Variants in GFOD2 observed in about 807,000 individuals in gnomAD.
The protein encoded by GFOD2 is glucose-fructose oxidoreductase domain-containing protein 2.
Under a neutral mutation model 24.6 loss-of-function variants are expected in GFOD2, and 9 were observed. The observed-to-expected ratio is 0.37, with a 90% confidence interval of 0.22 to 0.64. GFOD2 has a LOEUF of 0.64. GFOD2 is among the 30% of genes least tolerant of loss of function. The pLI, the probability that GFOD2 is intolerant of heterozygous loss-of-function variation, is 0.65. For missense variants in GFOD2, 476 were observed against 532.5 expected, an observed-to-expected ratio of 0.89 and a Z score of 1.04; for synonymous variants, 211 against 224.8, an observed-to-expected ratio of 0.94 and a Z score of 0.55.
At chr16:67,693,255 T>C (rs1396204080) in intron 1 of GFOD2, among the ~76,000 whole-genome samples, 1 of 151,368 alleles carries the variant, frequency 6.6e-6, no homozygotes, top group Non-Finnish European at 1.5e-5. Flanking sequence ...GAACCTTATT[T>C]CAAATTAGCC....
intron 1 of GFOD2, among the ~76,000 whole-genome samples, chr16:67,704,187 A>G (rs2053423150): frequency 6.6e-6 from 1 of 152,204 alleles, no homozygotes; most frequent in Non-Finnish European, 1.5e-5. Flanking sequence ...CCCCGAGTTC[A>G]GTACTTTAAA....
chr16:67,701,722 C>G (rs1274050349), intron 1 of GFOD2, among the ~76,000 whole-genome samples: 1 of 147,380 alleles, frequency 6.8e-6, no homozygotes, highest in African/African-American at 2.5e-5. Context: ...ACAGAATATA[C>G]AGAAAAAGGA....
intron 1 of GFOD2, among the ~76,000 whole-genome samples, chr16:67,688,503 G>C (rs2053284881): frequency 6.6e-6 from 1 of 152,070 alleles, no homozygotes; most frequent in Non-Finnish European, 1.5e-5. Context: ...TGGGATCAAT[G>C]TCGTGGGAAA....
chr16:67,707,761 G>A (rs978500867), intron 1 of GFOD2, among the ~76,000 whole-genome samples: 1 of 151,866 alleles, frequency 6.6e-6, no homozygotes, highest in African/African-American at 2.4e-5. Context: ...GTGTTGCCCA[G>A]GCTGGTCTCA....
At chr16:67,690,337 A>AT (rs2053301797) in intron 1 of GFOD2, among the ~76,000 whole-genome samples, 1 of 150,368 alleles carries the variant, frequency 6.7e-6, no homozygotes, top group Non-Finnish European at 1.5e-5. Flanking sequence ...AACCCTTGTT[A>AT]TTTTCTGGTG....
At chr16:67,717,037 C>T (rs1238320374) in intron 1 of GFOD2, among the ~76,000 whole-genome samples, 3 of 152,124 alleles carry the variant, frequency 2.0e-5, no homozygotes, top group Admixed American at 1.3e-4. Flanking sequence ...GCTGGGATTA[C>T]AGGCGTGCAC....
chr16:67,689,893 T>C (rs1443027067), intron 1 of GFOD2, among the ~76,000 whole-genome samples: 8 of 152,170 alleles, frequency 5.3e-5, no homozygotes, highest in Admixed American at 4.6e-4. Flanking sequence ...CTCTATGAAT[T>C]TGACTACTTT....
chr16:67,681,077 C>G, intron 2 of GFOD2: 1 of 985,456 alleles, frequency 1.0e-6, no homozygotes, highest in South Asian at 4.7e-5. Context: ...GTGGGCCTTC[C>G]AGATTAGGGA....
At chr16:67,694,510 G>C (rs1420674652) in intron 1 of GFOD2, among the ~76,000 whole-genome samples, 1 of 152,000 alleles carries the variant, frequency 6.6e-6, no homozygotes, top group Non-Finnish European at 1.5e-5. Context: ...ATGTTGCCCA[G>C]GCTGGTCTTA....
intron 1 of GFOD2, among the ~76,000 whole-genome samples, chr16:67,700,661 G>A (rs1335996913): frequency 4.0e-5 from 6 of 150,924 alleles, no homozygotes; most frequent in African/African-American, 1.5e-4. Context: ...GCAGTGAACT[G>A]AGATTGTGCC....
At chr16:67,680,697 C>A in intron 2 of GFOD2, 1 of 981,842 alleles carries the variant, frequency 1.0e-6, no homozygotes, top group Non-Finnish European at 1.2e-6. Flanking sequence ...CAGCAAGGAA[C>A]AAGGCATGTG....
intron 1 of GFOD2, among the ~76,000 whole-genome samples, chr16:67,703,934 A>G (rs1225109534): frequency 6.6e-6 from 1 of 152,198 alleles, no homozygotes; most frequent in East Asian, 1.9e-4. Flanking sequence ...AAGTGGAATC[A>G]TACAGTATGT....
chr16:67,709,483 C>T (rs1269418528), intron 1 of GFOD2, among the ~76,000 whole-genome samples: 1 of 152,018 alleles, frequency 6.6e-6, no homozygotes, highest in African/African-American at 2.4e-5. Context: ...GATATAGTTT[C>T]TGCTTGCAAA....
chr16:67,681,797 A>G, intron 2 of GFOD2: 1 of 985,268 alleles, frequency 1.0e-6, no homozygotes, highest in Non-Finnish European at 1.2e-6. Flanking sequence ...CCTGAGGGCT[A>G]GCTGTACAGA....
At chr16:67,701,336 G>A (rs1036453020) in intron 1 of GFOD2, among the ~76,000 whole-genome samples, 2 of 152,078 alleles carry the variant, frequency 1.3e-5, no homozygotes, top group South Asian at 4.1e-4. Context: ...ATTCATAATT[G>A]CCACATCTTG....
At chr16:67,709,127 A>C (rs1204516593) in intron 1 of GFOD2, among the ~76,000 whole-genome samples, 1 of 151,542 alleles carries the variant, frequency 6.6e-6, no homozygotes, top group Non-Finnish European at 1.5e-5. Flanking sequence ...ACATGGCAAA[A>C]CTCCTTCTCC....
intron 2 of GFOD2, chr16:67,682,624 A>G (rs966945023): frequency 1.0e-6 from 1 of 985,440 alleles, no homozygotes; most frequent in Non-Finnish European, 1.2e-6. Flanking sequence ...ATGCCATAAA[A>G]AGAGCTGTGA....
intron 1 of GFOD2, among the ~76,000 whole-genome samples, chr16:67,688,362 ATTGT>A (rs1239671035): frequency 2.6e-5 from 4 of 152,252 alleles, no homozygotes; most frequent in Admixed American, 1.3e-4. Context: ...AATGATTTTT[ATTGT>A]TTCTTTTCAA....
chr16:67,679,949 A>G (rs753134398), intron 2 of GFOD2, among the ~76,000 whole-genome samples: 3 of 150,966 alleles, frequency 2.0e-5, no homozygotes, highest in Non-Finnish European at 4.4e-5. Context: ...ACTTAGCTGG[A>G]GTGCAGTAGC....
Sources: allele counts gnomAD v4.1 joint callset (sites outside exome capture counted in the v4.1 genomes callset), GRCh38; gene constraint gnomAD v4.1.1; transcripts MANE v1.5; gene names NCBI Gene and HGNC (gene_info 2026-07-23, HGNC 2026-07-21).